Variants in SSBP2 observed in about 807,000 individuals in gnomAD.
SSBP2 encodes the protein single-stranded DNA-binding protein 2.
Under a neutral mutation model 61.8 loss-of-function variants are expected in SSBP2, and 17 were observed. The observed-to-expected ratio is 0.28, with a 90% confidence interval of 0.19 to 0.41. The LOEUF is 0.41. Among genes scored for constraint, SSBP2 ranks in the 10% least tolerant of loss-of-function variants. The probability of loss-of-function intolerance (pLI) is 1.00; values close to 1 mark genes in which losing one functional copy is unlikely to be tolerated. For synonymous variants in SSBP2, 139 were observed against 141.3 expected, an observed-to-expected ratio of 0.98 and a Z score of 0.12; for missense variants, 310 against 458.7, an observed-to-expected ratio of 0.68 and a Z score of 2.96.
At chr5:81,616,252 GC>G (rs1273223220) in intron 3 of SSBP2, 1 of 148,066 alleles carries the variant, frequency 6.8e-6, no homozygotes, top group Non-Finnish European at 1.5e-5. Flanking sequence ...TGCGCACCGT[GC>G]GCGAGCCGAA....
intron 4 of SSBP2, among the ~76,000 whole-genome samples, chr5:81,595,357 C>T (rs1217033228): frequency 6.6e-6 from 1 of 152,106 alleles, no homozygotes; most frequent in African/African-American, 2.4e-5. Flanking sequence ...CAATAGCTTA[C>T]TAACCAAAAA....
intron 1 of SSBP2, among the ~76,000 whole-genome samples, chr5:81,666,393 A>T (rs983523028): frequency 6.6e-6 from 1 of 152,192 alleles, no homozygotes; most frequent in African/African-American, 2.4e-5. Flanking sequence ...ATAGTTGGGC[A>T]TAAAAAAGTA....
At chr5:81,522,175 C>T (rs143157593) in intron 4 of SSBP2, among the ~76,000 whole-genome samples, 11 of 152,040 alleles carry the variant, frequency 7.2e-5, no homozygotes, top group Admixed American at 7.2e-4. Context: ...TGCAGTACAT[C>T]TAAATTATGG....
chr5:81,414,963 T>G lies in SSBP2; in HGVS notation c.*5541A>C, dbSNP rs1349452893. 6.6e-6 allele frequency: 1 copy of G among 152,212 alleles called. No individual in the cohort carries two copies. Among genetic ancestry groups the G allele is most frequent in the Non-Finnish European group, 1.5e-5 (1 of 68,038 alleles). The allele number at this position is 152,212 out of a possible 1,614,324, so 9.4% of individuals were successfully genotyped here. On this transcript the variant is annotated 3_prime_UTR_variant, in exon 17 of 17. Transcript: ENST00000320672. The stretch of plus-strand genomic sequence containing the variant: ...ACAGGTACACGCAACATATTTAGTA[T>G]GCAAAATGGAAGTATTATTAATAGT...
Position 81,418,874 on chromosome 5 carries a change from A to G in SSBP2, c.*1630T>C, listed in dbSNP as rs1761438929. Reference sequence around the variant, plus strand: ...ATATCCTGCCAAATTTTCACTTTAGAGACTATAAGCCTAAAGGAAAGAGAA... The same window carrying G: ...ATATCCTGCCAAATTTTCACTTTAGGGACTATAAGCCTAAAGGAAAGAGAA... On this transcript the variant is annotated 3_prime_UTR_variant, in exon 17 of 17. Coordinates refer to ENST00000320672, the MANE Select transcript of SSBP2 (RefSeq NM_012446.5). The G allele has an allele frequency of 6.6e-6, 1 of 152,184 alleles. No individual in the cohort carries two copies. The highest frequency in any genetic ancestry group is 1.5e-5 in the Non-Finnish European group (1 of 68,020). The allele number at this position is 152,184 out of a possible 1,614,324, so 9.4% of individuals were successfully genotyped here.
intron 3 of SSBP2, among the ~76,000 whole-genome samples, chr5:81,631,951 T>C (rs1434217955): frequency 2.0e-5 from 3 of 152,128 alleles, no homozygotes; most frequent in Admixed American, 2.0e-4. Context: ...TCTCCTTGCC[T>C]CACCCTGCAA....
chr5:81,528,110 G>A (rs546401487), intron 4 of SSBP2, among the ~76,000 whole-genome samples: 2 of 152,010 alleles, frequency 1.3e-5, no homozygotes, highest in Non-Finnish European at 2.9e-5. Context: ...TTTTCAGTCC[G>A]AAAATAACAC....
At chr5:81,501,832 A>G (rs573829650) in intron 5 of SSBP2, among the ~76,000 whole-genome samples, 27 of 151,872 alleles carry the variant, frequency 1.8e-4, no homozygotes, top group Non-Finnish European at 2.4e-4. Context: ...CAAAGTGCTA[A>G]GATTACAGAC....
chr5:81,557,033 T>C (rs1772659418), intron 4 of SSBP2, among the ~76,000 whole-genome samples: 1 of 152,296 alleles, frequency 6.6e-6, no homozygotes, highest in Admixed American at 6.5e-5. Context: ...CTCACTTTCA[T>C]GTTGGCCTCT....
rs565762464 is a variant in SSBP2, at chr5:81,554,682, A to G, written c.283-40965T>C. ...AAAGGACAAATAGAAAAAGAGGTTT[A>G]GAATTGTTATTTGCTTTGGTTTGTT... On this transcript the variant is annotated intron_variant, in intron 4 of 16. Coordinates refer to ENST00000320672, the MANE Select transcript of SSBP2 (RefSeq NM_012446.5). 1.8e-4 allele frequency among the ~76,000 whole-genome samples: 28 copies of G among 152,204 alleles called. 1 individual carries two copies. The South Asian group carries it at 4.8e-3, about 26-fold the overall frequency.
At chr5:81,473,666 T>C in intron 8 of SSBP2, 34 bp downstream of exon 8, 5 of 1,601,468 alleles carry the variant, frequency 3.1e-6, no homozygotes. Context: ...TGGTTCCATA[T>C]CTTTGCTATT....
chr5:81,564,700 T>A (rs559480291), intron 4 of SSBP2, among the ~76,000 whole-genome samples: 1 of 152,306 alleles, frequency 6.6e-6, no homozygotes, highest in African/African-American at 2.4e-5. Flanking sequence ...GTCAGCATCT[T>A]AGGCAAAGCC....
At position 81,586,415 on chromosome 5, in the gene SSBP2, T is replaced by C. The variant is rs183806532; in HGVS notation, c.282+29058A>G. On this transcript the variant is annotated intron_variant, in intron 4 of 16. Coordinates refer to ENST00000320672, the MANE Select transcript of SSBP2 (RefSeq NM_012446.5). ...TCACAAAAGCCTTTTAAACAAACAATAGTAGAAACACTATTTGAAGTGAAA... is the reference window on the plus strand; with the variant it reads ...TCACAAAAGCCTTTTAAACAAACAACAGTAGAAACACTATTTGAAGTGAAA... Among the ~76,000 whole-genome samples, 4 of 152,258 alleles carry C rather than the reference T, an allele frequency of 2.6e-5. No homozygotes were observed. The East Asian group carries it at 5.8e-4, about 22-fold the overall frequency.
intron 15 of SSBP2, among the ~76,000 whole-genome samples, chr5:81,433,394 A>G (rs906144510): frequency 2.6e-5 from 4 of 152,084 alleles, no homozygotes; most frequent in Non-Finnish European, 5.9e-5. Flanking sequence ...TTTGTTAAAC[A>G]GATGCTTGAA....
chr5:81,625,474 A>G (rs1327404093), intron 3 of SSBP2, among the ~76,000 whole-genome samples: 1 of 152,164 alleles, frequency 6.6e-6, no homozygotes, highest in Non-Finnish European at 1.5e-5. Context: ...ATCATGAATA[A>G]TACTTTAGAG....
At chr5:81,609,197 G>A (rs779048067) in intron 4 of SSBP2, among the ~76,000 whole-genome samples, 1 of 152,150 alleles carries the variant, frequency 6.6e-6, no homozygotes, top group Non-Finnish European at 1.5e-5. Context: ...TCTCCTTGCA[G>A]TTTTAAAATT....
At chr5:81,446,502 A>G (rs1308199005) in intron 12 of SSBP2, among the ~76,000 whole-genome samples, 1 of 152,182 alleles carries the variant, frequency 6.6e-6, no homozygotes, top group Non-Finnish European at 1.5e-5. Flanking sequence ...CTGATTTGGC[A>G]TTTTAAACCT....
rs763078768 is a variant in SSBP2 at position 81,650,282 on chromosome 5, T to C, written c.120A>G (p.Gln40=). Reference sequence around the variant, plus strand: ...TAAAACATACCTCTGATAAAAATGTTTGAGCTGATTTCTGAGCTCCTACAT... The same window carrying C: ...TAAAACATACCTCTGATAAAAATGTCTGAGCTGATTTCTGAGCTCCTACAT... Residue 40 remains glutamine (Q), a synonymous_variant, in exon 2 of 17, where the codon CAA becomes CAG. Transcript: ENST00000320672. 6.3e-7 allele frequency: 1 copy of C among 1,588,584 alleles called. No homozygotes were observed. The highest frequency in any genetic ancestry group is 1.8e-5 in the Admixed American group (1 of 56,616).
At chr5:81,433,379 T>C (rs1014278174) in intron 15 of SSBP2, among the ~76,000 whole-genome samples, 1 of 152,038 alleles carries the variant, frequency 6.6e-6, no homozygotes. Flanking sequence ...CGGTGCAAGA[T>C]GTGCTTTGTT....
Sources: gnomAD v4.1 joint callset for allele counts (sites outside exome capture counted in the v4.1 genomes callset) on GRCh38, gnomAD v4.1.1 for gene constraint, MANE v1.5 for transcripts, NCBI Gene and HGNC (gene_info 2026-07-23, HGNC 2026-07-21) for gene names.